MRPL1: variants seen among roughly 807,000 people sequenced by gnomAD.
MRPL1 encodes large ribosomal subunit protein uL1m.
MRPL1 carries 28 observed loss-of-function variants against 38.0 expected under a neutral mutation model. That is an observed-to-expected ratio of 0.74 (90% CI 0.55 to 1.01). MRPL1 has a LOEUF of 1.01. Among genes scored for constraint, MRPL1 ranks in the 50% least tolerant of loss-of-function variants. The pLI is 0.00. For synonymous variants in MRPL1, 123 were observed against 126.7 expected (o/e 0.97, Z 0.20); for missense variants, 358 against 389.8 (o/e 0.92, Z 0.69).
intron 7 of MRPL1, among the ~76,000 whole-genome samples, chr4:77,935,650 C>G (rs1047951008): frequency 4.6e-5 from 7 of 152,174 alleles, no homozygotes; most frequent in African/African-American, 1.2e-4. Context: ...CCTGCCTTGG[C>G]CTGCCAAAGT....
At chr4:77,930,216 C>CAAGGAAA (rs1415406548) in intron 7 of MRPL1, among the ~76,000 whole-genome samples, 2 of 152,154 alleles carry the variant, frequency 1.3e-5, no homozygotes, top group African/African-American at 4.8e-5. Flanking sequence ...GAAATCATGT[C>CAAGGAAA]TCCTTGTAGT....
At chr4:77,899,048 C>T (rs910164204) in intron 6 of MRPL1, among the ~76,000 whole-genome samples, 6 of 144,042 alleles carry the variant, frequency 4.2e-5, no homozygotes, top group African/African-American at 1.3e-4. Flanking sequence ...GGCTGGAGTG[C>T]AGAGACATGA....
chr4:77,880,804 A>G (rs1735520178), intron 2 of MRPL1, among the ~76,000 whole-genome samples: 1 of 152,134 alleles, frequency 6.6e-6, no homozygotes, highest in African/African-American at 2.4e-5. Flanking sequence ...AAACCACTCC[A>G]CAATTATTTA....
intron 1 of MRPL1, among the ~76,000 whole-genome samples, chr4:77,864,220 T>C (rs1459504734): frequency 6.6e-6 from 1 of 152,156 alleles, no homozygotes. Flanking sequence ...TACCTGAATA[T>C]TATAATTTTC....
chr4:77,903,086 G>A (rs982410099), intron 6 of MRPL1, among the ~76,000 whole-genome samples: 1 of 151,990 alleles, frequency 6.6e-6, no homozygotes, highest in East Asian at 1.9e-4. Context: ...GAGAATAGAC[G>A]CAAAAAATAC....
chr4:77,873,441 C>G (rs1735329052), intron 2 of MRPL1, among the ~76,000 whole-genome samples: 1 of 152,156 alleles, frequency 6.6e-6, no homozygotes, highest in Non-Finnish European at 1.5e-5. Context: ...CAAATAGAGT[C>G]CCAGCTACAA....
chr4:77,886,411 C>T (rs979907626), intron 4 of MRPL1, among the ~76,000 whole-genome samples: 5 of 151,962 alleles, frequency 3.3e-5, no homozygotes, highest in African/African-American at 9.7e-5. Context: ...CTTGGCTTAC[C>T]GCAACCTCTG....
At chr4:77,943,595 G>A (rs1737184278) in intron 7 of MRPL1, among the ~76,000 whole-genome samples, 1 of 151,914 alleles carries the variant, frequency 6.6e-6, no homozygotes, top group Non-Finnish European at 1.5e-5. Context: ...TTTCTCTGTA[G>A]ATTGAGTTAA....
chr4:77,892,834 GT>G (rs1188271469), intron 5 of MRPL1, among the ~76,000 whole-genome samples: 1 of 151,966 alleles, frequency 6.6e-6, no homozygotes, highest in Non-Finnish European at 1.5e-5. Context: ...TGATCCCTCA[GT>G]TTTTTTTATC....
At chr4:77,912,644 T>C (rs2110249622) in intron 7 of MRPL1, among the ~76,000 whole-genome samples, 1 of 152,290 alleles carries the variant, frequency 6.6e-6, no homozygotes, top group East Asian at 1.9e-4. Flanking sequence ...AGGTAATCTA[T>C]AGATTCATAG....
intron 2 of MRPL1, among the ~76,000 whole-genome samples, chr4:77,874,782 CT>C (rs59185212): frequency 0.21 from 27,847 of 130,894 alleles, 2,893 homozygotes; most frequent in African/African-American, 0.36. Flanking sequence ...ATTTTCTTTT[CT>C]TTTTTTTTTT....
At chr4:77,924,438 C>G (rs1560471202) in intron 7 of MRPL1, among the ~76,000 whole-genome samples, 1 of 152,164 alleles carries the variant, frequency 6.6e-6, no homozygotes, top group Non-Finnish European at 1.5e-5. Context: ...TTTCTTATGA[C>G]TGGACCCATC....
chr4:77,917,058 T>C lies in MRPL1; in HGVS notation c.777+7686T>C, dbSNP rs190860581. Among the ~76,000 whole-genome samples, 412 of 152,272 alleles carry C rather than the reference T, an allele frequency of 2.7e-3. 2 individuals carry two copies. Among genetic ancestry groups the C allele is most frequent in the African/African-American group, 9.4e-3 (392 of 41,550 alleles). On this transcript the variant is annotated intron_variant, in intron 7 of 8. Coordinates refer to ENST00000315567, the MANE Select transcript of MRPL1 (RefSeq NM_020236.4). The stretch of plus-strand genomic sequence containing the variant: ...ATGTGTACTTTTAACAGCTTAAAAA[T>C]TTCAGTGTGAACATTATCATTGTTT...
intron 7 of MRPL1, among the ~76,000 whole-genome samples, chr4:77,946,597 T>C (rs987549871): frequency 6.6e-6 from 1 of 152,212 alleles, no homozygotes; most frequent in Non-Finnish European, 1.5e-5. Flanking sequence ...TATAAAACTA[T>C]TAATTTTGGG....
intron 3 of MRPL1, 89 bp downstream of exon 3, chr4:77,883,589 T>G (rs1735600787): frequency 7.6e-7 from 1 of 1,315,084 alleles, no homozygotes; most frequent in Non-Finnish European, 1.0e-6. Flanking sequence ...TTATTATTAT[T>G]TTTGAGACAG....
At chr4:77,867,479 C>T (rs1301256782) in intron 1 of MRPL1, among the ~76,000 whole-genome samples, 1 of 152,232 alleles carries the variant, frequency 6.6e-6, no homozygotes, top group African/African-American at 2.4e-5. Context: ...TATACATTTC[C>T]TGCCCATGAT....
chr4:77,882,832 G>A (rs1314085711), intron 2 of MRPL1, among the ~76,000 whole-genome samples: 1 of 152,016 alleles, frequency 6.6e-6, no homozygotes, highest in Admixed American at 6.6e-5. Flanking sequence ...TCACTTCTTT[G>A]GGGTGCTAAC....
chr4:77,909,890 A>C (rs1736245949), intron 7 of MRPL1, among the ~76,000 whole-genome samples: 1 of 152,214 alleles, frequency 6.6e-6, no homozygotes, highest in Non-Finnish European at 1.5e-5. Context: ...ACTAATGTAG[A>C]TATGCCACAT....
intron 6 of MRPL1, among the ~76,000 whole-genome samples, chr4:77,898,872 G>A (rs893709552): frequency 6.6e-6 from 1 of 151,874 alleles, no homozygotes; most frequent in Non-Finnish European, 1.5e-5. Flanking sequence ...TATGTGCCAA[G>A]CCTTGGGTGT....
Sources: gnomAD v4.1 joint callset for allele counts (sites outside exome capture counted in the v4.1 genomes callset) on GRCh38, gnomAD v4.1.1 for gene constraint, MANE v1.5 for transcripts, NCBI Gene and HGNC (gene_info 2026-07-23, HGNC 2026-07-21) for gene names.